The following LSM12 variants were observed in gnomAD, a reference collection of about 807,000 sequenced individuals.
LSM12 encodes protein LSM12.
For missense variants in LSM12, 108 were observed against 238.9 expected, an observed-to-expected ratio of 0.45 and a Z score of 3.61; for synonymous variants, 74 against 87.3, an observed-to-expected ratio of 0.85 and a Z score of 0.85.
At chr17:44,038,505 A>C (rs2049445233) in intron 3 of LSM12, among the ~76,000 whole-genome samples, 1 of 152,066 alleles carries the variant, frequency 6.6e-6, no homozygotes, top group African/African-American at 2.4e-5. Context: ...AAATACAAAA[A>C]TTAGCTGGGC....
intron 2 of LSM12, among the ~76,000 whole-genome samples, chr17:44,050,125 GTT>G (rs1370621941): frequency 6.6e-6 from 1 of 152,030 alleles, no homozygotes; most frequent in African/African-American, 2.4e-5. Flanking sequence ...TTGAGATGGA[GTT>G]TCTCTCTTGT....
rs1410822402 is a variant in LSM12 at position 44,034,745 on chromosome 17, A to T, written c.*1463T>A. 2.2e-4 allele frequency: 26 copies of T among 119,990 alleles called. No individual in the cohort carries two copies. Among genetic ancestry groups the T allele is most frequent in the Non-Finnish European group, 2.9e-4 (16 of 55,026 alleles). The allele number at this position is 119,990 out of a possible 1,614,324, so 7.4% of individuals were successfully genotyped here. A position where few individuals can be genotyped will look rare whatever the true frequency, so the allele number is the denominator to read the frequency against. On this transcript the variant is annotated 3_prime_UTR_variant, in exon 5 of 5. Transcript: ENST00000293406. ...TTTAATTTGATCCATTTATTTAATT[A>T]AAAAAAAAAGGAAGGGGAAAGAGAT...
At position 44,042,590 on chromosome 17, in the gene LSM12, A is replaced by T. The variant is rs1376626232; in HGVS notation, c.259-2334T>A. 2.6e-4 allele frequency among the ~76,000 whole-genome samples: 2 copies of T among 7,782 alleles called. 1 individual carries two copies. Among genetic ancestry groups the T allele is most frequent in the African/African-American group, 7.0e-4 (2 of 2,860 alleles). 5.1% of individuals were successfully genotyped at this position (7,782 alleles called of 152,430 possible). On this transcript the variant is annotated intron_variant, in intron 2 of 4. Transcript: ENST00000293406. Reference sequence around the variant, plus strand: ...AATTTTTTTTTTTTTTTTGAGACGGAGTCTCGCTCTGTCGCCCAGGCTGGA... The same window carrying T: ...AATTTTTTTTTTTTTTTTGAGACGGTGTCTCGCTCTGTCGCCCAGGCTGGA...
rs751811914 is a variant in LSM12 at position 44,036,342 on chromosome 17, G to A, written c.496-42C>T. ...AACCCAGGTCAACAAAGGAGATGCG[G>A]AAGAAAGGTCTCCCAAACAATCCAA... On this transcript the variant is annotated intron_variant, in intron 4 of 4. Coordinates refer to ENST00000293406, the MANE Select transcript of LSM12 (RefSeq NM_001371445.1). The A allele has an allele frequency of 8.1e-6, 13 of 1,612,522 alleles. No individual in the cohort carries two copies. The African/African-American group carries it at 1.3e-4, about 17-fold the overall frequency.
At chr17:44,046,022 C>T (rs1319737864) in intron 2 of LSM12, among the ~76,000 whole-genome samples, 22 of 150,350 alleles carry the variant, frequency 1.5e-4, no homozygotes, top group Middle Eastern at 3.4e-3. Flanking sequence ...CTGCAAGCTC[C>T]GCCTCCTGGG....
rs78672576 is a variant in LSM12 at position 44,036,436 on chromosome 17, C to T, written c.496-136G>A. Reference sequence around the variant, plus strand: ...GTCCAGGCACCTTTGCCCTTGCTGTCTATTGGCCTTCCCAACCACAAGGTA... The same window carrying T: ...GTCCAGGCACCTTTGCCCTTGCTGTTTATTGGCCTTCCCAACCACAAGGTA... On this transcript the variant is annotated intron_variant, in intron 4 of 4. Coordinates refer to ENST00000293406, the MANE Select transcript of LSM12 (RefSeq NM_001371445.1). 993 of 1,168,958 alleles carry T rather than the reference C, an allele frequency of 8.5e-4. 2 individuals are homozygous for T. The highest frequency in any genetic ancestry group is 1.1e-3 in the Non-Finnish European group (864 of 817,338). 72.4% of individuals were successfully genotyped at this position (1,168,958 alleles called of 1,614,324 possible). A position where few individuals can be genotyped will look rare whatever the true frequency, so the allele number is the denominator to read the frequency against.
intron 1 of LSM12, 126 bp downstream of exon 1, chr17:44,066,338 C>T (rs921699460): frequency 3.1e-6 from 4 of 1,278,542 alleles, no homozygotes; most frequent in Non-Finnish European, 4.1e-6. Flanking sequence ...GCATGCGCCC[C>T]GGGCGCCGCG....
At chr17:44,056,561 C>T (rs1055148542) in intron 2 of LSM12, among the ~76,000 whole-genome samples, 1 of 151,722 alleles carries the variant, frequency 6.6e-6, no homozygotes, top group Admixed American at 6.6e-5. Flanking sequence ...GGCATGATGG[C>T]GTGTGCCTGT....
At chr17:44,045,968 G>C (rs1167066997) in intron 2 of LSM12, among the ~76,000 whole-genome samples, 12 of 128,240 alleles carry the variant, frequency 9.4e-5, no homozygotes, top group Non-Finnish European at 1.9e-4. Flanking sequence ...ACGGAGTCTC[G>C]CTCTGTCTCC....
intron 2 of LSM12, among the ~76,000 whole-genome samples, chr17:44,041,314 C>A (rs1490197468): frequency 6.9e-6 from 1 of 144,938 alleles, no homozygotes; most frequent in Non-Finnish European, 1.5e-5. Flanking sequence ...CACACACACA[C>A]ACACACACAC....
intron 2 of LSM12, among the ~76,000 whole-genome samples, chr17:44,050,800 C>T (rs558081559): frequency 6.6e-6 from 1 of 152,294 alleles, no homozygotes; most frequent in East Asian, 1.9e-4. Flanking sequence ...GAATTACAGG[C>T]ATGAGCCACC....
chr17:44,052,242 A>T (rs1228946223), intron 2 of LSM12, among the ~76,000 whole-genome samples: 5 of 146,378 alleles, frequency 3.4e-5, no homozygotes, highest in African/African-American at 5.0e-5. Flanking sequence ...TCTCTAAATT[A>T]AAAAAAAAAA....
chr17:44,060,721 C>T (rs554756663), intron 2 of LSM12, among the ~76,000 whole-genome samples: 105 of 152,276 alleles, frequency 6.9e-4, no homozygotes, highest in Non-Finnish European at 1.3e-3. Context: ...TAGTTTACAA[C>T]AATGCTAGTA....
chr17:44,057,727 A>T (rs4793073), intron 2 of LSM12, among the ~76,000 whole-genome samples: 1 of 150,926 alleles, frequency 6.6e-6, no homozygotes, highest in Non-Finnish European at 1.5e-5. Context: ...CTACTGCATT[A>T]TAGCCTGGGA....
At chr17:44,061,515 A>C (rs774221339) in intron 2 of LSM12, among the ~76,000 whole-genome samples, 6 of 152,214 alleles carry the variant, frequency 3.9e-5, no homozygotes, top group Non-Finnish European at 5.9e-5. Context: ...ATAGCCTTCC[A>C]AATCTGTCCC....
chr17:44,054,166 G>T (rs553033680), intron 2 of LSM12, among the ~76,000 whole-genome samples: 70 of 152,266 alleles, frequency 4.6e-4, no homozygotes, highest in African/African-American at 1.6e-3. Flanking sequence ...CTTAAAAAGA[G>T]CCCCACTTTG....
chr17:44,064,827 A>T (rs1013837479), intron 1 of LSM12, among the ~76,000 whole-genome samples: 17 of 151,734 alleles, frequency 1.1e-4, no homozygotes, highest in Non-Finnish European at 2.5e-4. Flanking sequence ...GTAACCTCTT[A>T]TTTTTTTAAA....
At chr17:44,042,566 ATTTT>A (rs72404001) in intron 2 of LSM12, among the ~76,000 whole-genome samples, 1 of 115,412 alleles carries the variant, frequency 8.7e-6, no homozygotes, top group Non-Finnish European at 1.8e-5. Context: ...CCCCCAGCTA[ATTTT>A]TTTTTTTTTT....
chr17:44,058,528 C>G (rs2049751781), intron 2 of LSM12, among the ~76,000 whole-genome samples: 1 of 151,600 alleles, frequency 6.6e-6, no homozygotes, highest in Non-Finnish European at 1.5e-5. Context: ...ACAGTAAGAC[C>G]CTGTCTCTAC....
Sources: gnomAD v4.1 joint callset for allele counts (sites outside exome capture counted in the v4.1 genomes callset) on GRCh38, gnomAD v4.1.1 for gene constraint, MANE v1.5 for transcripts, NCBI Gene and HGNC (gene_info 2026-07-23, HGNC 2026-07-21) for gene names.